The following ABCC2 variants were observed in gnomAD, a reference collection of about 807,000 sequenced individuals.
ABCC2 encodes the protein ATP binding cassette subfamily C member 2.
In ABCC2, 157 loss-of-function variants were observed where a neutral mutation model predicts 173.4. The ratio of observed to expected loss-of-function variants is 0.91; its 90% CI spans 0.80 to 1.03. The LOEUF is 1.03. ABCC2 is among the 50% of genes least tolerant of loss of function. ABCC2 has a pLI of 0.00. For missense variants in ABCC2, 1,822 were observed against 1,852.3 expected (o/e 0.98, Z 0.30); for synonymous variants, 657 against 693.5 (o/e 0.95, Z 0.83).
At chr10:99,793,843 T>C (rs748036268) in intron 4 of ABCC2, 49 bp from the exon 5 acceptor site, 1 of 1,581,152 alleles carries the variant, frequency 6.3e-7, no homozygotes, top group Non-Finnish European at 8.7e-7. Context: ...CCATGTAGAC[T>C]TCCTTTGGAC....
intron 19 of ABCC2, among the ~76,000 whole-genome samples, chr10:99,828,830 A>G (rs1462449609): frequency 2.6e-5 from 4 of 151,964 alleles, no homozygotes; most frequent in Non-Finnish European, 5.9e-5. Context: ...TCTCTGCCTT[A>G]GCCTTCACTT....
rs10644836 is a variant in ABCC2, at chr10:99,806,077, C to CTCTCTCTGTGTGTGTG, written c.1530+631_1530+632insCTCTCTGTGTGTGTGT. On this transcript the variant is annotated intron_variant, in intron 11 of 31. Coordinates refer to ENST00000647814, the MANE Select transcript of ABCC2 (RefSeq NM_000392.5). The stretch of plus-strand genomic sequence containing the variant: ...TCTACTACAGTCTCTCTCTCTCTGT[C>CTCTCTCTGTGTGTGTG]TGTGTGTGTGTGTGTGTGTGTGTGT... 1.1e-3 allele frequency among the ~76,000 whole-genome samples: 165 copies of CTCTCTCTGTGTGTGTG among 148,146 alleles called. 1 individual carries two copies. The highest frequency in any genetic ancestry group is 3.1e-3 in the African/African-American group (125 of 39,812).
intron 16 of ABCC2, among the ~76,000 whole-genome samples, chr10:99,814,276 C>CGTGT (rs1554850650): frequency 2.3e-5 from 1 of 43,538 alleles, no homozygotes; most frequent in Non-Finnish European, 4.5e-5. Flanking sequence ...TGTATACACA[C>CGTGT]GTATGTATAC....
chr10:99,850,896 C>T, intron 31 of ABCC2, 100 bp downstream of exon 31: 1 of 1,361,492 alleles, frequency 7.3e-7, no homozygotes, highest in Admixed American at 1.7e-5. Context: ...GTTTAACCAC[C>T]ACCACATTAC....
intron 15 of ABCC2, 124 bp downstream of exon 15, chr10:99,811,726 T>C: frequency 9.0e-7 from 1 of 1,107,202 alleles, no homozygotes; most frequent in South Asian, 1.3e-5. Context: ...GGTTAGATAC[T>C]AGTGCAGGAT....
chr10:99,839,168 GC>G (rs2038886733), intron 25 of ABCC2, among the ~76,000 whole-genome samples: 1 of 125,038 alleles, frequency 8.0e-6, no homozygotes, highest in African/African-American at 3.0e-5. Context: ...CCCGGACGGG[GC>G]GGCTGGCCGG....
Position 99,810,201 on chromosome 10 carries a change from G to C in ABCC2, c.1883G>C (p.Arg628Pro). 1 of 1,613,382 alleles carries C rather than the reference G, an allele frequency of 6.2e-7. No homozygotes were observed. Among genetic ancestry groups the C allele is most frequent in the Non-Finnish European group, 8.5e-7 (1 of 1,179,434 alleles). ...GGDDLDTSAI[R>P]HDCNFDKAMQ... ...GATGACTTGGACACATCTGCCATTC[G>C]ACATGACTGCAATTTTGGTAAATAA... is the stretch of plus-strand genomic sequence containing the variant. Residue 628 changes from arginine (R) to proline (P), a missense_variant, in exon 14 of 32, where the codon CGA (arginine) becomes CCA (proline). Arg to Pro is a moderately radical substitution (Grantham distance 103, BLOSUM62 -2). Transcript: ENST00000647814.
At chr10:99,836,793 AG>A (rs1294862878) in intron 25 of ABCC2, among the ~76,000 whole-genome samples, 3 of 152,180 alleles carry the variant, frequency 2.0e-5, no homozygotes, top group Non-Finnish European at 4.4e-5. Context: ...GATGACAGAA[AG>A]GGAAGCTTCC....
At chr10:99,804,332 T>C (rs2038064238) in intron 10 of ABCC2, 59 bp downstream of exon 10, 1 of 1,607,066 alleles carries the variant, frequency 6.2e-7, no homozygotes, top group Non-Finnish European at 8.5e-7. Context: ...ACCCTTTTTC[T>C]TACTCTACTC....
At chr10:99,846,928 G>A in intron 29 of ABCC2, 33 bp from the exon 30 acceptor site, 1 of 1,613,760 alleles carries the variant, frequency 6.2e-7, no homozygotes, top group East Asian at 2.2e-5. Context: ...TCTGGCATGA[G>A]CCCCAACAGC....
At chr10:99,834,972 G>A (rs7476245) in intron 24 of ABCC2, among the ~76,000 whole-genome samples, 13,387 of 152,254 alleles carry the variant, frequency 0.088, 827 homozygotes, top group African/African-American at 0.17. Context: ...AGCAGCAGCT[G>A]GGTCTTTCTT....
Position 99,844,308 on chromosome 10 carries a change from T to C in ABCC2, c.3844-14T>C, listed in dbSNP as rs1314099257. The C allele has an allele frequency of 2.5e-6, 4 of 1,614,098 alleles. No individual in the cohort carries two copies. Among genetic ancestry groups the C allele is most frequent in the East Asian group, 2.2e-5 (1 of 44,890 alleles). ...ACCTTATAAAACTTACTTCTCATCT[T>C]GTCTCCTTGCCAGGCACCCTGGGTG... On this transcript the variant is annotated splice_polypyrimidine_tract_variant and intron_variant, in intron 27 of 31. Transcript: ENST00000647814.
chr10:99,820,162 CG>C (rs1342666502), intron 19 of ABCC2, among the ~76,000 whole-genome samples: 2 of 151,900 alleles, frequency 1.3e-5, no homozygotes, highest in Non-Finnish European at 2.9e-5. Flanking sequence ...GAGGCTGAGG[CG>C]GGTGGATCAC....
intron 13 of ABCC2, among the ~76,000 whole-genome samples, chr10:99,809,727 A>G (rs566937484): frequency 2.6e-5 from 4 of 152,354 alleles, no homozygotes; most frequent in African/African-American, 4.8e-5. Flanking sequence ...CCCTGATGCT[A>G]TAGCCAGTTC....
At chr10:99,809,812 A>G (rs1457371492) in intron 13 of ABCC2, among the ~76,000 whole-genome samples, 1 of 152,256 alleles carries the variant, frequency 6.6e-6, no homozygotes. Flanking sequence ...GTTAAATAAG[A>G]GAAAGCCAGG....
intron 19 of ABCC2, among the ~76,000 whole-genome samples, chr10:99,829,588 T>C (rs1272734232): frequency 1.3e-5 from 2 of 152,196 alleles, no homozygotes; most frequent in Non-Finnish European, 2.9e-5. Context: ...TTTTAAGTGA[T>C]TTAAATTAAT....
At chr10:99,793,771 G>C (rs2037848109) in intron 4 of ABCC2, 86 bp downstream of exon 4, 1 of 1,594,050 alleles carries the variant, frequency 6.3e-7, no homozygotes, top group Non-Finnish European at 8.6e-7. Flanking sequence ...TGAGCTCCAG[G>C]ATCGAATTGT....
At chr10:99,827,296 A>C (rs1278689848) in intron 19 of ABCC2, among the ~76,000 whole-genome samples, 1 of 152,096 alleles carries the variant, frequency 6.6e-6, no homozygotes, top group Non-Finnish European at 1.5e-5. Flanking sequence ...TTAGACTCTG[A>C]TGGCCCCACT....
chr10:99,814,684 C>CATATGTGTATATACACATATACACACAT (rs374719080), intron 16 of ABCC2, among the ~76,000 whole-genome samples: 4 of 74,012 alleles, frequency 5.4e-5, no homozygotes, highest in East Asian at 5.0e-4. Flanking sequence ...TATACACACA[C>CATATGTGTATATACACATATACACACAT]GTGTATATAC....
Sources: gnomAD v4.1 joint callset for allele counts (sites outside exome capture counted in the v4.1 genomes callset) on GRCh38, gnomAD v4.1.1 for gene constraint, MANE v1.5 for transcripts, NCBI Gene and HGNC (gene_info 2026-07-23, HGNC 2026-07-21) for gene names.